The following ADGRL2 variants were observed in gnomAD, a reference collection of about 807,000 sequenced individuals.
The protein encoded by ADGRL2 is adhesion G protein-coupled receptor L2.
In ADGRL2, 44 loss-of-function variants were observed where a neutral mutation model predicts 157.4. The ratio of observed to expected loss-of-function variants is 0.28; its 90% CI spans 0.22 to 0.36. The LOEUF is 0.36. Among genes scored for constraint, ADGRL2 ranks in the 10% least tolerant of loss-of-function variants. ADGRL2 has a pLI of 1.00. For missense variants in ADGRL2, 1,510 were observed against 1,768.9 expected, an observed-to-expected ratio of 0.85 and a Z score of 2.63; for synonymous variants, 585 against 624.7, an observed-to-expected ratio of 0.94 and a Z score of 0.95.
chr1:81,442,639 A>G (rs12026065), intron 1 of ADGRL2, among the ~76,000 whole-genome samples: 3,598 of 151,424 alleles, frequency 0.024, 74 homozygotes, highest in African/African-American at 0.042. Context: ...GGACCCTCAC[A>G]GTAAAACATG....
intron 1 of ADGRL2, chr1:81,721,563 C>G (rs77364612): frequency 6.1e-6 from 3 of 493,434 alleles, no homozygotes; most frequent in Non-Finnish European, 1.1e-5. Flanking sequence ...CAGGACCAGC[C>G]TAGGCAACAT....
chr1:81,818,846 C>T (rs994250646), intron 1 of ADGRL2, among the ~76,000 whole-genome samples: 2 of 151,976 alleles, frequency 1.3e-5, no homozygotes, highest in Non-Finnish European at 2.9e-5. Context: ...AAAGAGACCC[C>T]ATTTATTTAG....
chr1:81,417,106 A>G (rs2101500356), intron 1 of ADGRL2, among the ~76,000 whole-genome samples: 1 of 152,318 alleles, frequency 6.6e-6, no homozygotes, highest in East Asian at 1.9e-4. Flanking sequence ...TTATTTTTCT[A>G]TAAAATACAA....
In ADGRL2 at chr1:81,817,092, C is replaced by T. The variant is rs117296854; in HGVS notation, c.-101+16024C>T. Among the ~76,000 whole-genome samples, 561 of 152,002 alleles carry T rather than the reference C, an allele frequency of 3.7e-3. 2 individuals carry two copies. The highest frequency in any genetic ancestry group is 0.027 in the East Asian group (142 of 5,168). ...CCCTCTAAGTAATTTTCACCCCTCA[C>T]ACTTCTCCCACGCTCCTACCTTTTG... On this transcript the variant is annotated intron_variant, in intron 1 of 23. Transcript: ENST00000686636.
intron 1 of ADGRL2, among the ~76,000 whole-genome samples, chr1:81,343,247 G>T (rs970568592): frequency 6.6e-6 from 1 of 151,138 alleles, no homozygotes; most frequent in Non-Finnish European, 1.5e-5. Flanking sequence ...GTGCCACCAC[G>T]CCAAGCTAAT....
chr1:81,344,277 T>C (rs1176501159), intron 1 of ADGRL2, among the ~76,000 whole-genome samples: 1 of 152,186 alleles, frequency 6.6e-6, no homozygotes, highest in Non-Finnish European at 1.5e-5. Context: ...AGATTGGCCA[T>C]GCTGTGAGTA....
rs111870114 is a variant in ADGRL2, at chr1:81,783,931, C to T, written c.-101+22079C>T. Among the ~76,000 whole-genome samples, 700 of 151,944 alleles carry T rather than the reference C, an allele frequency of 4.6e-3. 7 individuals are homozygous for T. Among genetic ancestry groups the T allele is most frequent in the South Asian group, 0.041 (196 of 4,818 alleles). On this transcript the variant is annotated intron_variant, in intron 2 of 20. Coordinates refer to the ADGRL2 transcript ENST00000359929. The stretch of plus-strand genomic sequence containing the variant: ...TACTATCTGTATTAATTCATATAAC[C>T]CTCACAACAACATTATAAGACACAG...
intron 1 of ADGRL2, among the ~76,000 whole-genome samples, chr1:81,757,583 C>T (rs1022404622): frequency 1.3e-5 from 2 of 152,190 alleles, no homozygotes; most frequent in African/African-American, 2.4e-5. Flanking sequence ...CTGTACATCA[C>T]TTCCCTTTTT....
chr1:81,322,292 T>G (rs993219987), intron 1 of ADGRL2, among the ~76,000 whole-genome samples: 31 of 151,896 alleles, frequency 2.0e-4, no homozygotes, highest in Middle Eastern at 3.4e-3. Context: ...CCTTGCTTTT[T>G]GTACATTGAA....
chr1:81,402,749 C>G (rs547968980), intron 1 of ADGRL2, among the ~76,000 whole-genome samples: 1 of 152,300 alleles, frequency 6.6e-6, no homozygotes, highest in East Asian at 1.9e-4. Flanking sequence ...ACTGCACTGT[C>G]CACAGAGCAT....
intron 1 of ADGRL2, among the ~76,000 whole-genome samples, chr1:81,403,179 CAAT>C (rs2076787301): frequency 6.6e-6 from 1 of 150,636 alleles, no homozygotes; most frequent in South Asian, 2.1e-4. Flanking sequence ...AGAATAGTAA[CAAT>C]AAAAAGAAAA....
chr1:81,812,428 C>A (rs947766120), intron 1 of ADGRL2, among the ~76,000 whole-genome samples: 7 of 151,448 alleles, frequency 4.6e-5, no homozygotes, highest in Non-Finnish European at 8.9e-5. Flanking sequence ...TACAAATGTG[C>A]CTTATCATTT....
At chr1:81,319,332 T>C (rs1057292450) in intron 1 of ADGRL2, among the ~76,000 whole-genome samples, 3 of 152,210 alleles carry the variant, frequency 2.0e-5, no homozygotes, top group African/African-American at 7.2e-5. Context: ...TTCTTTAATA[T>C]ATCCAACAAC....
At chr1:81,541,202 T>C (rs1382288678) in intron 2 of ADGRL2, among the ~76,000 whole-genome samples, 1 of 152,210 alleles carries the variant, frequency 6.6e-6, no homozygotes, top group Non-Finnish European at 1.5e-5. Flanking sequence ...CAGAGGAATG[T>C]TTAGAAATCT....
At chr1:81,615,699 A>C (rs754481625) in intron 3 of ADGRL2, among the ~76,000 whole-genome samples, 3 of 152,326 alleles carry the variant, frequency 2.0e-5, no homozygotes, top group East Asian at 1.9e-4. Context: ...CCCTTCAAGG[A>C]GCATTATTTG....
Position 81,493,836 on chromosome 1 carries a change from G to A in ADGRL2, c.-248+48747G>A, listed in dbSNP as rs974290434. Among the ~76,000 whole-genome samples, 84 of 152,042 alleles carry A rather than the reference G, an allele frequency of 5.5e-4. 1 individual carries two copies. The highest frequency in any genetic ancestry group is 2.0e-3 in the African/African-American group (83 of 41,436). ...TCCTCAGAAGTTTGGATCAGTAGACGCTATACACTTATTCAAAAATCCTGT... is the reference window on the plus strand; with the variant it reads ...TCCTCAGAAGTTTGGATCAGTAGACACTATACACTTATTCAAAAATCCTGT... On this transcript the variant is annotated intron_variant, in intron 2 of 24. Transcript: ENST00000370721.
intron 3 of ADGRL2, among the ~76,000 whole-genome samples, chr1:81,921,121 A>G (rs988694152): frequency 2.0e-5 from 3 of 152,172 alleles, no homozygotes; most frequent in African/African-American, 7.2e-5. Context: ...GGTTGCTGAA[A>G]TGGAAAAGTT....
chr1:81,811,319 A>G (rs892391938), intron 1 of ADGRL2, among the ~76,000 whole-genome samples: 1 of 151,802 alleles, frequency 6.6e-6, no homozygotes, highest in African/African-American at 2.4e-5. Flanking sequence ...CACTTCTTAT[A>G]AGCCTGTCAG....
In ADGRL2 at chr1:81,429,384, C is replaced by A. The variant is rs549488716; in HGVS notation, c.-301-15652C>A. On this transcript the variant is annotated intron_variant, in intron 1 of 24. Coordinates refer to the ADGRL2 transcript ENST00000370721. ...AAGAGCCACAGGCTAAAAAGCAATG[C>A]CTAATCTCTAATTAGCTAATTTGAG... 2.5e-3 allele frequency among the ~76,000 whole-genome samples: 376 copies of A among 152,248 alleles called. 5 individuals carry two copies. The South Asian group carries it at 0.025, about 10-fold the overall frequency.
Sources: gnomAD v4.1 joint callset for allele counts (sites outside exome capture counted in the v4.1 genomes callset) on GRCh38, gnomAD v4.1.1 for gene constraint, MANE v1.5 for transcripts, NCBI Gene and HGNC (gene_info 2026-07-23, HGNC 2026-07-21) for gene names.